ARID1B: variants seen among roughly 807,000 people sequenced by gnomAD.
ARID1B encodes the protein AT-rich interactive domain-containing protein 1B.
Under a neutral mutation model 212.3 loss-of-function variants are expected in ARID1B, and 30 were observed. That is an observed-to-expected ratio of 0.14 (90% confidence interval 0.11 to 0.19). ARID1B has a LOEUF of 0.19. Among genes scored for constraint, ARID1B ranks in the 10% least tolerant of loss-of-function variants. The pLI is 1.00. For missense variants in ARID1B, 2,891 were observed against 3,204.0 expected, an observed-to-expected ratio of 0.90 and a Z score of 2.36; for synonymous variants, 1,402 against 1,301.7, an observed-to-expected ratio of 1.08 and a Z score of -1.66.
intron 1 of ARID1B, among the ~76,000 whole-genome samples, chr6:156,802,771 T>A (rs545650819): frequency 6.6e-6 from 1 of 151,992 alleles, no homozygotes; most frequent in South Asian, 2.1e-4. Context: ...TTTTTGTGGC[T>A]AAGTATAAGT....
chr6:156,830,932 T>C (rs780486298), intron 2 of ARID1B, among the ~76,000 whole-genome samples: 1 of 152,208 alleles, frequency 6.6e-6, no homozygotes, highest in Non-Finnish European at 1.5e-5. Flanking sequence ...CCCTTTGCTG[T>C]TGTCAGAGAC....
At chr6:157,195,770 A>G in intron 15 of ARID1B, 1 of 205,096 alleles carries the variant, frequency 4.9e-6, no homozygotes, top group South Asian at 7.9e-5. Flanking sequence ...CATATTAAGA[A>G]AAAGTACAGG....
Position 156,931,794 on chromosome 6 carries a change from C to G in ARID1B, c.2137-3672C>G, listed in dbSNP as rs140574785. Among the ~76,000 whole-genome samples the G allele has an allele frequency of 3.5e-3, 537 of 152,078 alleles. 1 individual carries two copies. Among genetic ancestry groups the G allele is most frequent in the Admixed American group, 7.4e-3 (113 of 15,274 alleles). On this transcript the variant is annotated intron_variant, in intron 3 of 19. Transcript: ENST00000636930. ...CCTGACCAACATGGAGAAACCCCATCTCTCCTAAAGATACAAAATTAGCAA... is the reference window on the plus strand; with the variant it reads ...CCTGACCAACATGGAGAAACCCCATGTCTCCTAAAGATACAAAATTAGCAA...
intron 2 of ARID1B, among the ~76,000 whole-genome samples, chr6:156,859,110 G>T (rs1429963988): frequency 2.0e-5 from 3 of 151,996 alleles, no homozygotes; most frequent in African/African-American, 7.2e-5. Flanking sequence ...TAATTGTATG[G>T]GACCACTCTT....
intron 5 of ARID1B, among the ~76,000 whole-genome samples, chr6:157,101,625 T>C (rs754067759): frequency 2.0e-5 from 3 of 152,166 alleles, no homozygotes; most frequent in Non-Finnish European, 4.4e-5. Flanking sequence ...CATTGCCCTC[T>C]ATATAGTGAG....
At chr6:156,941,737 T>G (rs1033060603) in intron 4 of ARID1B, 1 of 152,240 alleles carries the variant, frequency 6.6e-6, no homozygotes, top group Admixed American at 6.5e-5. Flanking sequence ...ATCTTCCATT[T>G]AAATATTTGT....
At chr6:156,994,380 A>G (rs1371499398) in intron 4 of ARID1B, among the ~76,000 whole-genome samples, 2 of 152,168 alleles carry the variant, frequency 1.3e-5, no homozygotes. Context: ...ATACTCTCTC[A>G]GCAGTTTAGA....
chr6:156,829,398 G>A lies in ARID1B; in HGVS notation c.1963G>A (p.Gly655Arg), dbSNP rs151093357. 14 of 1,614,086 alleles carry A rather than the reference G, an allele frequency of 8.7e-6. No homozygotes were observed. The highest frequency in any genetic ancestry group is 5.0e-5 in the Admixed American group (3 of 60,014). ...GGGTCGGACTCCCGGGGCCATGGCC[G>A]GAATGCAGTACCCTCAGCAGCAGGT... The part of the protein sequence containing the change: ...IQGRTPGAMA[G>R]MQYPQQQMPP... The change falls in exon 2 of 20, where the codon GGA becomes AGA. Residue 655 changes from glycine to arginine, a missense_variant. Physicochemically the swap from Gly to Arg is moderately radical, Grantham distance 125 (BLOSUM62 -2). Coordinates refer to ENST00000636930, the MANE Select transcript of ARID1B (RefSeq NM_001374828.1).
intron 4 of ARID1B, among the ~76,000 whole-genome samples, chr6:157,011,809 A>G (rs1271877612): frequency 6.6e-6 from 1 of 152,200 alleles, no homozygotes; most frequent in Non-Finnish European, 1.5e-5. Flanking sequence ...GCATTTTTCA[A>G]AAGGTACAGT....
chr6:156,786,800 T>C (rs910128894), intron 1 of ARID1B, among the ~76,000 whole-genome samples: 2 of 152,192 alleles, frequency 1.3e-5, no homozygotes, highest in African/African-American at 4.8e-5. Context: ...ATTGCTGCTG[T>C]TGGTGTGCGG....
At chr6:157,035,668 G>A (rs1456734403) in intron 4 of ARID1B, among the ~76,000 whole-genome samples, 1 of 152,142 alleles carries the variant, frequency 6.6e-6, no homozygotes. Flanking sequence ...TTTGGTATCA[G>A]CAACATATGG....
intron 15 of ARID1B, among the ~76,000 whole-genome samples, chr6:157,192,865 C>T (rs145063456): frequency 6.6e-6 from 1 of 152,338 alleles, no homozygotes; most frequent in Non-Finnish European, 1.5e-5. Context: ...GTTTGCCTTA[C>T]TCTGTCAGTA....
At chr6:157,045,097 A>G (rs1299241400) in intron 4 of ARID1B, among the ~76,000 whole-genome samples, 1 of 152,208 alleles carries the variant, frequency 6.6e-6, no homozygotes, top group African/African-American at 2.4e-5. Flanking sequence ...GCTATAAAGC[A>G]GAGGGGATGT....
In ARID1B at chr6:157,124,092, C is replaced by A. The variant is rs1787970590; in HGVS notation, c.2582-8936C>A. ...TCTTCCTTGCCTTGCTGTCAGCTAT[C>A]AGTTGTTCCTTCTCACAACAGTCCT... On this transcript the variant is annotated intron_variant, in intron 6 of 19. Transcript: ENST00000636930. Among the ~76,000 whole-genome samples, 3 of 152,246 alleles carry A rather than the reference C, an allele frequency of 2.0e-5. No homozygotes were observed. In the South Asian group the frequency reaches 6.2e-4, roughly 31 times the overall value.
At chr6:157,186,400 G>T in intron 13 of ARID1B, 1 of 470,588 alleles carries the variant, frequency 2.1e-6, no homozygotes, top group Non-Finnish European at 4.4e-6. Context: ...GGCAGTGGAA[G>T]GAAAGCCTCC....
intron 1 of ARID1B, among the ~76,000 whole-genome samples, chr6:156,803,295 A>T (rs1181197324): frequency 1.3e-5 from 2 of 152,214 alleles, no homozygotes; most frequent in African/African-American, 4.8e-5. Flanking sequence ...ATAATGTTGT[A>T]TAATAGAAAT....
chr6:156,938,447 T>C (rs1792429498), intron 4 of ARID1B: 1 of 152,220 alleles, frequency 6.6e-6, no homozygotes, highest in Non-Finnish European at 1.5e-5. Flanking sequence ...GTCAGGGATA[T>C]AAATTTTGTC....
rs1789966380 is a variant in ARID1B, at chr6:157,148,548, GGAC to G, written c.2762-75_2762-73del. ...AATACTCCGTGCTGATCGCATTGTT[GGAC>G]AAAAAGTATTTCCAGTGAATGTTGT... On this transcript the variant is annotated intron_variant, in intron 7 of 19. Coordinates refer to ENST00000636930, the MANE Select transcript of ARID1B (RefSeq NM_001374828.1). This position sits in a 1 kb window ranked among gnomAD's most constrained non-coding sequence, Gnocchi z 5.6. The G allele has an allele frequency of 6.7e-7, 1 of 1,485,164 alleles. No individual in the cohort carries two copies. The highest frequency in any genetic ancestry group is 9.1e-7 in the Non-Finnish European group (1 of 1,095,430). The allele number at this position is 1,485,164 out of a possible 1,614,324, so 92.0% of individuals were successfully genotyped here.
chr6:157,058,430 A>AT (rs1783112835), intron 4 of ARID1B, among the ~76,000 whole-genome samples: 1 of 151,906 alleles, frequency 6.6e-6, no homozygotes, highest in Non-Finnish European at 1.5e-5. Context: ...ATGCTGGGCT[A>AT]ATTTTTGTAT....
Sources: gnomAD v4.1 joint callset for allele counts (sites outside exome capture counted in the v4.1 genomes callset) on GRCh38, gnomAD v4.1.1 for gene constraint, Gnocchi (gnomAD v3.1) non-coding constraint, MANE v1.5 for transcripts, NCBI Gene and HGNC (gene_info 2026-07-23, HGNC 2026-07-21) for gene names.